The following NUMB variants were observed in gnomAD, a reference collection of about 807,000 sequenced individuals.
The protein encoded by NUMB is protein numb homolog.
In NUMB, 29 loss-of-function variants were observed where a neutral mutation model predicts 59.7. That is an observed-to-expected ratio of 0.49 (90% CI 0.36 to 0.66). The LOEUF is 0.66. Ranked by LOEUF, NUMB falls within the 30% of genes least tolerant of loss-of-function variation. The pLI, the probability that NUMB is intolerant of heterozygous loss-of-function variation, is 0.00. For missense variants in NUMB, 723 were observed against 822.0 expected, an observed-to-expected ratio of 0.88 and a Z score of 1.47; for synonymous variants, 288 against 288.2, an observed-to-expected ratio of 1.00 and a Z score of 0.01.
chr14:73,404,927 A>G (rs1049244862), intron 2 of NUMB, among the ~76,000 whole-genome samples: 20 of 152,040 alleles, frequency 1.3e-4, no homozygotes, highest in African/African-American at 4.6e-4. Flanking sequence ...AGCCCGGCTA[A>G]TTTTTATATT....
chr14:73,386,320 T>C (rs528491685), intron 2 of NUMB, among the ~76,000 whole-genome samples: 21 of 152,310 alleles, frequency 1.4e-4, no homozygotes, highest in East Asian at 9.6e-4. Context: ...ATTGAATAGA[T>C]TGCAGGTAAT....
Position 73,352,499 on chromosome 14 carries a change from TA to T in NUMB, c.126+3126del, listed in dbSNP as rs1566756187. On this transcript the variant is annotated intron_variant, in intron 4 of 12. Transcript: ENST00000555238. ...ACACATATATATATATATATATATA[TA>T]TATATATATATATATATATATATAT... Among the ~76,000 whole-genome samples, 13 of 11,630 alleles carry T rather than the reference TA, an allele frequency of 1.1e-3. 2 individuals carry two copies. Among genetic ancestry groups the T allele is most frequent in the African/African-American group, 6.7e-3 (12 of 1,798 alleles). The allele number at this position is 11,630 out of a possible 152,430, so 7.6% of individuals were successfully genotyped here. A position where few individuals can be genotyped will look rare whatever the true frequency, so the allele number is the denominator to read the frequency against.
At chr14:73,385,158 G>GTTTTA (rs1247443153) in intron 2 of NUMB, among the ~76,000 whole-genome samples, 1 of 151,690 alleles carries the variant, frequency 6.6e-6, no homozygotes. Context: ...AGGAACTGAA[G>GTTTTA]TTTTATTTTA....
chr14:73,420,415 C>G (rs2140150051), intron 1 of NUMB, among the ~76,000 whole-genome samples: 1 of 152,220 alleles, frequency 6.6e-6, no homozygotes, highest in East Asian at 1.9e-4. Context: ...ATAAGTGTAT[C>G]ACATGTATAA....
chr14:73,277,149 G>C lies in NUMB; in HGVS notation c.1385C>G (p.Pro462Arg). Residue 462 changes from proline (P) to arginine (R), a missense_variant, in exon 13 of 13, where the codon CCT (proline) becomes CGT (arginine). Physicochemically the swap from Pro to Arg is moderately radical, Grantham distance 103 (BLOSUM62 -2). Coordinates refer to ENST00000555238, the MANE Select transcript of NUMB (RefSeq NM_001005743.2). ...AGGAGGCTGGAGAACTGGCTGCAGA[G>C]GAGCAGCTGAGGCCTGGGGCTGCTG... ...RAQQPQASAA[P>R]LQPVLQPPPP... 1 of 1,614,014 alleles carries C rather than the reference G, an allele frequency of 6.2e-7. No homozygotes were observed. The highest frequency in any genetic ancestry group is 8.5e-7 in the Non-Finnish European group (1 of 1,180,016).
intron 3 of NUMB, among the ~76,000 whole-genome samples, chr14:73,360,840 ATTTATTTTAT>A (rs146804007): frequency 6.6e-6 from 1 of 151,672 alleles, no homozygotes; most frequent in African/African-American, 2.4e-5. Context: ...TTCCTTCACA[ATTTATTTTAT>A]TTTATTTTAT....
intron 6 of NUMB, among the ~76,000 whole-genome samples, chr14:73,311,779 C>T (rs1312902548): frequency 6.6e-6 from 1 of 152,082 alleles, no homozygotes; most frequent in East Asian, 1.9e-4. Context: ...ATAAAAACTC[C>T]GTAACATATA....
intron 2 of NUMB, among the ~76,000 whole-genome samples, chr14:73,389,089 ACT>A (rs1406561493): frequency 8.2e-6 from 1 of 121,688 alleles, no homozygotes; most frequent in Non-Finnish European, 1.7e-5. Flanking sequence ...ACAGAGCAAG[ACT>A]CTGCCTTAAA....
chr14:73,397,492 G>C (rs1405969935), intron 2 of NUMB, among the ~76,000 whole-genome samples: 12 of 152,060 alleles, frequency 7.9e-5, no homozygotes, highest in Admixed American at 6.6e-4. Flanking sequence ...CAACAATTTG[G>C]GCTTGCATAA....
intron 1 of NUMB, among the ~76,000 whole-genome samples, chr14:73,437,893 C>G (rs537933644): frequency 8.6e-5 from 13 of 150,496 alleles, no homozygotes; most frequent in Non-Finnish European, 1.9e-4. Flanking sequence ...GGACCAAGAA[C>G]AGGAATAAGC....
intron 6 of NUMB, among the ~76,000 whole-genome samples, chr14:73,315,947 C>T (rs915501436): frequency 4.6e-5 from 7 of 152,016 alleles, no homozygotes; most frequent in Admixed American, 3.9e-4. Context: ...AGTGCAGTGG[C>T]GTGATCTCGG....
chr14:73,336,506 C>A (rs148244767), intron 4 of NUMB, among the ~76,000 whole-genome samples: 197 of 152,226 alleles, frequency 1.3e-3, no homozygotes, highest in African/African-American at 4.3e-3. Context: ...ACATGTTAAA[C>A]AAAATGAGTT....
chr14:73,352,512 ATATATATATATATATATG>A (rs1566756317), intron 4 of NUMB, among the ~76,000 whole-genome samples: 5 of 12,436 alleles, frequency 4.0e-4, no homozygotes, highest in Non-Finnish European at 5.0e-4. Context: ...ATATATATAT[ATATATATATATATATATG>A]TTTTTTTTTT....
At chr14:73,369,379 A>G (rs560877192) in intron 2 of NUMB, among the ~76,000 whole-genome samples, 3 of 152,306 alleles carry the variant, frequency 2.0e-5, no homozygotes, top group Admixed American at 1.3e-4. Flanking sequence ...AATAATAGCC[A>G]TATCTTCAAT....
Position 73,293,393 on chromosome 14 carries a change from C to CT in NUMB, c.310-520dup, listed in dbSNP as rs56116167. Among the ~76,000 whole-genome samples the CT allele has an allele frequency of 3.8e-3, 363 of 95,546 alleles. 1 individual carries two copies. Among genetic ancestry groups the CT allele is most frequent in the East Asian group, 0.01 (43 of 4,184 alleles). 62.7% of individuals were successfully genotyped at this position (95,546 alleles called of 152,430 possible). ...GTGGAATTTCCACTCGTTTCTTTTT[C>CT]TTTTTTTTTTTTTTTTTTTGGACAG... On this transcript the variant is annotated intron_variant, in intron 7 of 12. Transcript: ENST00000555238.
At chr14:73,314,529 TAGC>T (rs1890975259) in intron 6 of NUMB, among the ~76,000 whole-genome samples, 1 of 152,100 alleles carries the variant, frequency 6.6e-6, no homozygotes, top group South Asian at 2.1e-4. Flanking sequence ...CCATTATACG[TAGC>T]AATAAATACT....
chr14:73,287,353 T>C (rs776138264), intron 8 of NUMB, 39 bp from the exon 9 acceptor site: 1 of 1,444,626 alleles, frequency 6.9e-7, no homozygotes, highest in South Asian at 1.2e-5. Flanking sequence ...AGAATTACAC[T>C]ACTAACAATT....
chr14:73,395,357 T>C (rs1002646835), intron 2 of NUMB, among the ~76,000 whole-genome samples: 2 of 151,786 alleles, frequency 1.3e-5, no homozygotes, highest in Admixed American at 1.3e-4. Flanking sequence ...GCGTGGTGGC[T>C]CATGCCTATA....
At chr14:73,280,913 C>A (rs1335875171) in intron 11 of NUMB, among the ~76,000 whole-genome samples, 6 of 151,918 alleles carry the variant, frequency 3.9e-5, no homozygotes, top group African/African-American at 1.5e-4. Context: ...AGGCTGGTCT[C>A]GAACTCCTGA....
Sources: gnomAD v4.1 joint callset for allele counts (sites outside exome capture counted in the v4.1 genomes callset) on GRCh38, gnomAD v4.1.1 for gene constraint, MANE v1.5 for transcripts, NCBI Gene and HGNC (gene_info 2026-07-23, HGNC 2026-07-21) for gene names.